RBFOX1: variants seen among roughly 807,000 people sequenced by gnomAD.
RBFOX1 encodes the protein RNA binding fox-1 homolog 1, also known as RNA binding protein fox-1 homolog 1.
A neutral mutation model predicts 57.7 loss-of-function variants in RBFOX1; 8 were observed. The observed-to-expected ratio is 0.14, with a 90% CI of 0.08 to 0.25. The LOEUF (loss-of-function observed/expected upper bound fraction) is 0.25. RBFOX1 is among the 10% of genes least tolerant of loss of function. RBFOX1 has a pLI of 1.00. For missense variants in RBFOX1, 611 were observed against 548.5 expected (o/e 1.11, Z -1.14); for synonymous variants, 326 against 222.4 (o/e 1.47, Z -4.15).
At chr16:6,192,508 A>G (rs2097148475) in intron 1 of RBFOX1, among the ~76,000 whole-genome samples, 1 of 151,666 alleles carries the variant, frequency 6.6e-6, no homozygotes, top group Non-Finnish European at 1.5e-5. Context: ...ATACACATGC[A>G]CAGCTCACAC....
At chr16:7,279,829 A>G (rs1361810280) in intron 4 of RBFOX1, among the ~76,000 whole-genome samples, 2 of 152,228 alleles carry the variant, frequency 1.3e-5, no homozygotes, top group Non-Finnish European at 2.9e-5. Flanking sequence ...GAAATGGCCA[A>G]GCTTTCTATC....
At chr16:6,506,210 A>G (rs2096084859) in intron 2 of RBFOX1, among the ~76,000 whole-genome samples, 1 of 152,120 alleles carries the variant, frequency 6.6e-6, no homozygotes, top group Admixed American at 6.6e-5. Flanking sequence ...AGATGCCCCA[A>G]GTGGGAGGCA....
At chr16:5,589,328 G>A (rs2046932809) in intron 2 of RBFOX1, among the ~76,000 whole-genome samples, 1 of 152,180 alleles carries the variant, frequency 6.6e-6, no homozygotes, top group South Asian at 2.1e-4. Flanking sequence ...AGGCTCAGGG[G>A]TCCCAGCGTT....
In RBFOX1 at chr16:7,069,556, G is replaced by C. The variant is rs557514914; in HGVS notation, c.27+17458G>C. On this transcript the variant is annotated intron_variant, in intron 4 of 15. Coordinates refer to ENST00000550418, the MANE Select transcript of RBFOX1 (RefSeq NM_018723.4). ...GCTTTTACACTGAACCTCTTCATAAGGGCTATTTTTCTGGCTATGGGACAC... is the reference window on the plus strand; with the variant it reads ...GCTTTTACACTGAACCTCTTCATAACGGCTATTTTTCTGGCTATGGGACAC... Among the ~76,000 whole-genome samples, 8 of 152,276 alleles carry C rather than the reference G, an allele frequency of 5.3e-5. No individual in the cohort carries two copies. The South Asian group carries it at 1.5e-3, about 28-fold the overall frequency.
chr16:5,644,632 AC>A (rs1220466062), intron 3 of RBFOX1, among the ~76,000 whole-genome samples: 1 of 152,236 alleles, frequency 6.6e-6, no homozygotes, highest in African/African-American at 2.4e-5. Context: ...TTGCTGATTC[AC>A]AATTTTTTCC....
chr16:6,718,376 C>G (rs566765239), intron 3 of RBFOX1, among the ~76,000 whole-genome samples: 1 of 152,110 alleles, frequency 6.6e-6, no homozygotes. Context: ...AAGGAAGTAA[C>G]TCTAGCTGAA....
intron 4 of RBFOX1, among the ~76,000 whole-genome samples, chr16:6,001,040 G>A (rs9937203): frequency 0.12 from 18,192 of 152,054 alleles, 1,316 homozygotes; most frequent in Middle Eastern, 0.24. Context: ...TTGGTGGATC[G>A]ATGGATGGGT....
intron 1 of RBFOX1, among the ~76,000 whole-genome samples, chr16:6,034,552 C>G (rs921659621): frequency 6.6e-6 from 1 of 151,890 alleles, no homozygotes; most frequent in Non-Finnish European, 1.5e-5. Flanking sequence ...TAGTTCTCTC[C>G]AACCTTTGGG....
At chr16:6,480,004 C>T (rs907131549) in intron 2 of RBFOX1, among the ~76,000 whole-genome samples, 5 of 147,688 alleles carry the variant, frequency 3.4e-5, no homozygotes, top group Middle Eastern at 3.3e-3. Flanking sequence ...GAGCTGAGAT[C>T]GTGCCACTGC....
intron 1 of RBFOX1, among the ~76,000 whole-genome samples, chr16:5,273,093 G>A (rs1298995329): frequency 4.6e-5 from 7 of 152,258 alleles, no homozygotes; most frequent in East Asian, 1.9e-4. Context: ...AGAGAAACTC[G>A]TTCTCTTTAA....
intron 1 of RBFOX1, among the ~76,000 whole-genome samples, chr16:6,065,194 A>ATT (rs71404575): frequency 1.4e-4 from 18 of 128,188 alleles, no homozygotes; most frequent in East Asian, 7.1e-4. Flanking sequence ...TCACCGGCTA[A>ATT]TTTTTTTTTT....
At chr16:5,611,945 G>A (rs188131665) in intron 3 of RBFOX1, among the ~76,000 whole-genome samples, 210 of 151,936 alleles carry the variant, frequency 1.4e-3, no homozygotes, top group African/African-American at 4.7e-3. Flanking sequence ...GGGCAACACA[G>A]TGAGACCCCA....
At chr16:6,483,421 GTGCCGTTTGCTGT>G in intron 2 of RBFOX1, 1 of 1,535,432 alleles carries the variant, frequency 6.5e-7, no homozygotes, top group Non-Finnish European at 8.7e-7. Context: ...TAGCACGTGG[GTGCCGTTTGCTGT>G]TGCCTCGGAC....
At chr16:7,028,088 T>C (rs967434362) in intron 3 of RBFOX1, among the ~76,000 whole-genome samples, 2 of 152,268 alleles carry the variant, frequency 1.3e-5, no homozygotes, top group Admixed American at 6.5e-5. Flanking sequence ...GTTTCTCATT[T>C]GCCTGTTACT....
At chr16:5,776,963 T>A (rs1567527457) in intron 3 of RBFOX1, among the ~76,000 whole-genome samples, 1 of 152,218 alleles carries the variant, frequency 6.6e-6, no homozygotes, top group Non-Finnish European at 1.5e-5. Context: ...AAATTAAATT[T>A]AAATTTATCT....
At chr16:5,986,621 C>G (rs999968001) in intron 4 of RBFOX1, among the ~76,000 whole-genome samples, 9 of 152,190 alleles carry the variant, frequency 5.9e-5, no homozygotes, top group African/African-American at 2.2e-4. Context: ...ATGTTATATA[C>G]ATAGAATCAC....
chr16:5,764,439 T>A (rs750966538), intron 3 of RBFOX1, among the ~76,000 whole-genome samples: 3 of 152,182 alleles, frequency 2.0e-5, no homozygotes, highest in Non-Finnish European at 4.4e-5. Context: ...CCCTTTTCTT[T>A]TTATTATTCT....
intron 4 of RBFOX1, among the ~76,000 whole-genome samples, chr16:5,899,024 G>C (rs1039760403): frequency 6.6e-6 from 1 of 151,378 alleles, no homozygotes; most frequent in African/African-American, 2.4e-5. Flanking sequence ...GGTTTGCAGT[G>C]AGCCTCACTG....
intron 3 of RBFOX1, among the ~76,000 whole-genome samples, chr16:6,953,680 C>T (rs1024573759): frequency 2.0e-5 from 3 of 152,126 alleles, no homozygotes; most frequent in Non-Finnish European, 4.4e-5. Flanking sequence ...AGCCACAGTG[C>T]CCAGCCTCAC....
Sources: allele counts gnomAD v4.1 joint callset (sites outside exome capture counted in the v4.1 genomes callset), GRCh38; gene constraint gnomAD v4.1.1; transcripts MANE v1.5; gene names NCBI Gene and HGNC (gene_info 2026-07-23, HGNC 2026-07-21).